The following AACS variants were observed in gnomAD, a reference collection of about 807,000 sequenced individuals.
AACS encodes acetoacetate-CoA ligase.
A neutral mutation model predicts 83.1 loss-of-function variants in AACS; 69 were observed. The ratio of observed to expected loss-of-function variants is 0.83; its 90% confidence interval spans 0.68 to 1.01. The LOEUF (loss-of-function observed/expected upper bound fraction) is 1.01, where lower values mean the gene tolerates loss of function less well. Ranked by LOEUF, AACS falls within the 50% of genes least tolerant of loss-of-function variation. AACS has a pLI of 0.00. For missense variants in AACS, 866 were observed against 882.2 expected, an observed-to-expected ratio of 0.98 and a Z score of 0.23; for synonymous variants, 333 against 343.4, an observed-to-expected ratio of 0.97 and a Z score of 0.33.
intron 3 of AACS, among the ~76,000 whole-genome samples, chr12:125,083,513 C>T (rs1194600639): frequency 6.6e-6 from 1 of 152,024 alleles, no homozygotes; most frequent in Non-Finnish European, 1.5e-5. Context: ...CCTGTTTTAA[C>T]ATACATTTCT....
chr12:125,127,350 A>G (rs1432123364), intron 12 of AACS: 1 of 152,260 alleles, frequency 6.6e-6, no homozygotes, highest in Non-Finnish European at 1.5e-5. Context: ...AGTCAGTGAC[A>G]TGAAATGGCA....
intron 14 of AACS, among the ~76,000 whole-genome samples, chr12:125,133,137 G>T (rs1038103879): frequency 2.6e-5 from 4 of 152,216 alleles, no homozygotes; most frequent in Admixed American, 1.3e-4. Context: ...CGGCCAGCCA[G>T]TTCCCCTCAG....
At position 125,102,756 on chromosome 12, in the gene AACS, G is replaced by C; in HGVS notation, c.648G>C (p.Glu216Asp). The change falls in exon 6 of 18, where the codon GAG (glutamate) becomes GAC (aspartate). Residue 216 changes from glutamate (E) to aspartate (D), a missense_variant. Glu to Asp is a conservative substitution (Grantham distance 45). Transcript: ENST00000316519. ...SVEAVVYNGKEHNHMEKLQQV... is the reference protein window; with the variant it reads ...SVEAVVYNGKDHNHMEKLQQV... ...AGGCTGTTGTCTATAATGGCAAAGA[G>C]CACAACCACATGGAAAAGCTGCAGC... 6.2e-7 allele frequency: 1 copy of C among 1,614,202 alleles called. No individual in the cohort carries two copies. Among genetic ancestry groups the C allele is most frequent in the Non-Finnish European group, 8.5e-7 (1 of 1,180,028 alleles).
At chr12:125,080,594 A>G (rs1844565358) in intron 3 of AACS, among the ~76,000 whole-genome samples, 1 of 149,788 alleles carries the variant, frequency 6.7e-6, no homozygotes, top group Non-Finnish European at 1.5e-5. Context: ...CACACCCCCT[A>G]CCCCTTTACC....
At chr12:125,135,535 C>T (rs922525834) in intron 16 of AACS, among the ~76,000 whole-genome samples, 3 of 152,140 alleles carry the variant, frequency 2.0e-5, no homozygotes, top group African/African-American at 7.2e-5. Flanking sequence ...AGTGGAGTCA[C>T]CTGTGGGCCT....
chr12:125,137,481 C>T (rs1431740049), intron 17 of AACS, among the ~76,000 whole-genome samples: 1 of 152,238 alleles, frequency 6.6e-6, no homozygotes, highest in African/African-American at 2.4e-5. Context: ...TCTACCCAGC[C>T]AATTTTAACT....
intron 5 of AACS, 99 bp from the exon 6 acceptor site, chr12:125,102,580 T>C: frequency 1.0e-6 from 1 of 986,816 alleles, no homozygotes; most frequent in Non-Finnish European, 1.6e-6. Context: ...TCCTCCCACC[T>C]CAGCCTCCAG....
intron 8 of AACS, among the ~76,000 whole-genome samples, chr12:125,107,788 C>G (rs1008119773): frequency 6.6e-6 from 1 of 152,074 alleles, no homozygotes; most frequent in Non-Finnish European, 1.5e-5. Context: ...ATAGCAAAAC[C>G]CCATTTTTAC....
At chr12:125,125,170 T>A in intron 12 of AACS, 146 bp downstream of exon 12, 1 of 1,287,464 alleles carries the variant, frequency 7.8e-7, no homozygotes, top group Non-Finnish European at 1.1e-6. Flanking sequence ...TCTGAGGCAG[T>A]GATGTTCCAC....
chr12:125,074,088 A>G, intron 2 of AACS, 109 bp downstream of exon 2: 1 of 884,208 alleles, frequency 1.1e-6, no homozygotes, highest in South Asian at 1.6e-5. Context: ...AACCTCATGC[A>G]GATGGGAAAA....
intron 5 of AACS, among the ~76,000 whole-genome samples, chr12:125,099,405 T>G (rs1956673858): frequency 6.6e-6 from 1 of 152,230 alleles, no homozygotes; most frequent in Non-Finnish European, 1.5e-5. Flanking sequence ...TTTTGGTAAT[T>G]TTTATTTTCT....
Position 125,142,196 on chromosome 12 carries a change from G to GTA in AACS, c.1987_1988dup (p.Arg664ThrfsTer51), listed in dbSNP as rs1214138997. 9.3e-6 allele frequency: 15 copies of GTA among 1,614,174 alleles called. No homozygotes were observed. Among genetic ancestry groups the GTA allele is most frequent in the Non-Finnish European group, 1.2e-5 (14 of 1,180,032 alleles). On this transcript the variant is annotated frameshift_variant, in exon 18 of 18. Coordinates refer to ENST00000316519, the MANE Select transcript of AACS (RefSeq NM_023928.5). LOFTEE classifies it high-confidence loss of function. ...TCTCGAACCCCGAGACCCTGGATCT[G>GTA]TACCGGGACATCCCTGAGCTGCAGG...
chr12:125,133,812 C>T (rs544869289), intron 14 of AACS, among the ~76,000 whole-genome samples, 191 bp from the exon 15 acceptor site: 5 of 152,212 alleles, frequency 3.3e-5, no homozygotes, highest in Admixed American at 6.5e-5. Flanking sequence ...CAGAGCTGCC[C>T]GGGCAGCAGC....
At chr12:125,099,455 A>G (rs1206026424) in intron 5 of AACS, among the ~76,000 whole-genome samples, 3 of 152,228 alleles carry the variant, frequency 2.0e-5, no homozygotes, top group Admixed American at 1.3e-4. Flanking sequence ...AAAATCTATT[A>G]AACATTGTTT....
intron 1 of AACS, among the ~76,000 whole-genome samples, chr12:125,069,006 A>G (rs1331850186): frequency 2.6e-5 from 4 of 151,668 alleles, no homozygotes; most frequent in Admixed American, 6.6e-5. Context: ...AGCCCGGCTA[A>G]TTTTTTTGTA....
At chr12:125,108,863 C>CT (rs60511961) in intron 8 of AACS, among the ~76,000 whole-genome samples, 5,188 of 126,372 alleles carry the variant, frequency 0.041, 143 homozygotes, top group Non-Finnish European at 0.058. Flanking sequence ...ATTTTTGTGG[C>CT]TTTTTTTTTT....
chr12:125,138,795 G>T (rs1052094517), intron 17 of AACS: 1 of 152,118 alleles, frequency 6.6e-6, no homozygotes, highest in Non-Finnish European at 1.5e-5. Context: ...TTACATTTTC[G>T]AGCCCTCACG....
intron 3 of AACS, 79 bp downstream of exon 3, chr12:125,076,690 A>C: frequency 4.4e-6 from 7 of 1,573,558 alleles, no homozygotes; most frequent in Non-Finnish European, 6.1e-6. Flanking sequence ...ACATATTTGG[A>C]GAGATAGGAT....
intron 9 of AACS, among the ~76,000 whole-genome samples, chr12:125,115,831 C>T (rs768265783): frequency 9.9e-5 from 15 of 151,474 alleles, no homozygotes; most frequent in Non-Finnish European, 1.3e-4. Flanking sequence ...AGATGGAGGA[C>T]GGGGGACAGA....
Sources: allele counts gnomAD v4.1 joint callset (sites outside exome capture counted in the v4.1 genomes callset), GRCh38; gene constraint gnomAD v4.1.1; transcripts MANE v1.5; gene names NCBI Gene and HGNC (gene_info 2026-07-23, HGNC 2026-07-21).